MMRN1: variants seen among roughly 807,000 people sequenced by gnomAD.
MMRN1 encodes multimerin-1.
Under a neutral mutation model 100.7 loss-of-function variants are expected in MMRN1, and 94 were observed. The observed-to-expected ratio is 0.93, with a 90% CI of 0.79 to 1.11. The LOEUF (loss-of-function observed/expected upper bound fraction) is 1.11, where lower values mean the gene tolerates loss of function less well. Among genes scored for constraint, MMRN1 ranks in the 50% least tolerant of loss-of-function variants. MMRN1 has a pLI of 0.00. For missense variants in MMRN1, 1,606 were observed against 1,439.1 expected (o/e 1.12, Z -1.88); for synonymous variants, 575 against 505.0 (o/e 1.14, Z -1.86).
At chr4:89,897,789 AAAT>A in intron 1 of MMRN1, among the ~76,000 whole-genome samples, 1 of 152,194 alleles carries the variant, frequency 6.6e-6, no homozygotes, top group East Asian at 1.9e-4. Flanking sequence ...GAATTTAAAA[AAAT>A]AATAATAATT....
intron 1 of MMRN1, among the ~76,000 whole-genome samples, chr4:89,880,027 G>A (rs1232531032): frequency 1.3e-5 from 2 of 152,140 alleles, no homozygotes; most frequent in African/African-American, 2.4e-5. Context: ...TAGAAACCCT[G>A]GGGGAGGACA....
rs1167129384 is a variant in MMRN1, at chr4:89,923,358, G to T, written c.955+86G>T. 11 of 1,174,468 alleles carry T rather than the reference G, an allele frequency of 9.4e-6. No homozygotes were observed. In the Admixed American group the frequency reaches 1.6e-4, roughly 17 times the overall value. 72.8% of individuals were successfully genotyped at this position (1,174,468 alleles called of 1,614,324 possible). A position where few individuals can be genotyped will look rare whatever the true frequency, so the allele number is the denominator to read the frequency against. ...CTTCCAAGCAAGAAATCTCTTAGTT[G>T]TCAAATGATTGATGGTGACACATTA... On this transcript the variant is annotated intron_variant, in intron 4 of 7. Coordinates refer to ENST00000264790, the MANE Select transcript of MMRN1 (RefSeq NM_007351.3).
At position 89,942,250 on chromosome 4, in the gene MMRN1, G is replaced by A. The variant is rs957436067; in HGVS notation, c.3118+5452G>A. On this transcript the variant is annotated intron_variant, in intron 6 of 7. Transcript: ENST00000264790. ...ACGATTTCTTTGACACCAAGGATTT[G>A]AAACGAAATTTGATTCTTAACTTGT... 7.2e-5 allele frequency among the ~76,000 whole-genome samples: 11 copies of A among 152,128 alleles called. 1 individual carries two copies. The highest frequency in any genetic ancestry group is 2.7e-4 in the African/African-American group (11 of 41,416).
intron 3 of MMRN1, among the ~76,000 whole-genome samples, chr4:89,914,961 T>C (rs911393814): frequency 1.3e-5 from 2 of 151,556 alleles, no homozygotes; most frequent in South Asian, 2.1e-4. Context: ...AGATCCTTTA[T>C]AGGAAAAAGG....
At chr4:89,939,816 G>C (rs570182761) in intron 6 of MMRN1, among the ~76,000 whole-genome samples, 2 of 152,246 alleles carry the variant, frequency 1.3e-5, no homozygotes, top group South Asian at 4.1e-4. Context: ...TTTTCTTGAA[G>C]ATCCAAATAC....
Position 89,935,303 on chromosome 4 carries a change from T to C in MMRN1, c.1623T>C (p.Asn541=), listed in dbSNP as rs769794538. 10 of 1,613,754 alleles carry C rather than the reference T, an allele frequency of 6.2e-6. No homozygotes were observed. In the Middle Eastern group the frequency reaches 9.9e-4, roughly 160 times the overall value. ...CAGCTGCTGAGTCAGTTAGCAATAATGTCACTGAGTACATGTCTACTTTAC... is the reference window on the plus strand; with the variant it reads ...CAGCTGCTGAGTCAGTTAGCAATAACGTCACTGAGTACATGTCTACTTTAC... ...NAPAAESVSN[N]VTEYMSTLHE... Residue 541 remains asparagine (N), a synonymous_variant, in exon 6 of 8, where the codon AAT becomes AAC. Transcript: ENST00000264790.
At chr4:89,947,738 A>G (rs1157274791) in intron 6 of MMRN1, among the ~76,000 whole-genome samples, 2 of 152,232 alleles carry the variant, frequency 1.3e-5, no homozygotes, top group African/African-American at 4.8e-5. Context: ...ATTCAAGAAC[A>G]AGTAGCCTAT....
At chr4:89,933,942 T>C (rs897410535) in intron 5 of MMRN1, among the ~76,000 whole-genome samples, 1 of 152,184 alleles carries the variant, frequency 6.6e-6, no homozygotes, top group African/African-American at 2.4e-5. Context: ...GCAAGTTTTT[T>C]TATATTTTAA....
At chr4:89,937,018 A>C (rs999054815) in intron 6 of MMRN1, among the ~76,000 whole-genome samples, 1 of 152,060 alleles carries the variant, frequency 6.6e-6, no homozygotes, top group Non-Finnish European at 1.5e-5. Flanking sequence ...ATATTTGGCT[A>C]TGTGTTTTTA....
chr4:89,879,567 A>G (rs1336445138), exon 1 of MMRN1: 1 of 152,172 alleles, frequency 6.6e-6, no homozygotes, highest in Non-Finnish European at 1.5e-5. Context: ...TATTGATGTT[A>G]GCATTTGGTT....
intron 1 of MMRN1, among the ~76,000 whole-genome samples, chr4:89,902,630 T>C (rs973584153): frequency 6.6e-6 from 1 of 151,968 alleles, no homozygotes; most frequent in Non-Finnish European, 1.5e-5. Flanking sequence ...TACAGTCATC[T>C]ATCATTGAAA....
intron 3 of MMRN1, among the ~76,000 whole-genome samples, chr4:89,913,319 T>C (rs1228142360): frequency 6.6e-6 from 1 of 151,334 alleles, no homozygotes; most frequent in African/African-American, 2.4e-5. Flanking sequence ...ATGATTCAAG[T>C]TTGTTTGCAG....
chr4:89,904,448 C>A (rs1721493463), intron 1 of MMRN1, among the ~76,000 whole-genome samples: 1 of 150,678 alleles, frequency 6.6e-6, no homozygotes, highest in South Asian at 2.1e-4. Flanking sequence ...CCCATTGCAC[C>A]CTCCCTACCA....
chr4:89,915,052 T>A (rs762761982), intron 3 of MMRN1, among the ~76,000 whole-genome samples: 14 of 151,586 alleles, frequency 9.2e-5, no homozygotes, highest in Non-Finnish European at 1.9e-4. Context: ...TGAAATAAAC[T>A]GGCCCCTACC....
Position 89,935,827 on chromosome 4 carries a change from G to T in MMRN1, c.2147G>T (p.Arg716Leu). 1 of 1,613,096 alleles carries T rather than the reference G, an allele frequency of 6.2e-7. No homozygotes were observed. ...GGTCGTGATGATGCCTTAGAAAGACGTATCAATGAATATGCCTTAGAAATG... is the reference window on the plus strand; with the variant it reads ...GGTCGTGATGATGCCTTAGAAAGACTTATCAATGAATATGCCTTAGAAATG... ...VQGRDDALER[R>L]INEYALEMED... is the part of the protein sequence containing the mutation. Residue 716 changes from arginine to leucine, a missense_variant, in exon 6 of 8, where the codon CGT becomes CTT. Transcript: ENST00000264790.
chr4:89,947,265 G>A (rs1262791314), intron 6 of MMRN1, among the ~76,000 whole-genome samples: 2 of 152,152 alleles, frequency 1.3e-5, no homozygotes, highest in East Asian at 1.9e-4. Context: ...CTGGACGACA[G>A]AGCGAGACTC....
rs1183803756 is a variant in MMRN1 at position 89,936,207 on chromosome 4, C to A, written c.2527C>A (p.His843Asn). Residue 843 changes from histidine to asparagine, a missense_variant, in exon 6 of 8, where the codon CAT becomes AAT. By Grantham distance (68) the His-to-Asn change is moderately conservative. Coordinates refer to ENST00000264790, the MANE Select transcript of MMRN1 (RefSeq NM_007351.3). ...QVRKYQQNMS[H>N]LEEKLLLTTK... is the part of the protein sequence containing the mutation. ...GAGAAAATACCAGCAAAATATGAGT[C>A]ATTTGGAAGAAAAACTACTCTTAAC... 6 of 1,604,768 alleles carry A rather than the reference C, an allele frequency of 3.7e-6. No homozygotes were observed. Among genetic ancestry groups the A allele is most frequent in the African/African-American group, 1.3e-5 (1 of 74,288 alleles).
chr4:89,920,937 C>T (rs1578483572), intron 3 of MMRN1, among the ~76,000 whole-genome samples: 1 of 151,804 alleles, frequency 6.6e-6, no homozygotes, highest in Non-Finnish European at 1.5e-5. Flanking sequence ...TATACAGGAA[C>T]TTCTCATTTC....
rs770854297 is a variant in MMRN1 at position 89,935,200 on chromosome 4, A to C, written c.1520A>C (p.Asn507Thr). 3 of 1,613,426 alleles carry C rather than the reference A, an allele frequency of 1.9e-6. No homozygotes were observed. The Admixed American group carries it at 5.0e-5, about 27-fold the overall frequency. ...AGCATTCTGTATTATGAATCCCTCA[A>C]TAAAACTCTTTCTAAATTGAAGGAA... ...SRSILYYESL[N>T]KTLSKLKEVH... is the part of the protein sequence containing the mutation. The change falls in exon 6 of 8, where the codon AAT (asparagine) becomes ACT (threonine). Residue 507 changes from asparagine to threonine, a missense_variant. Physicochemically the swap from Asn to Thr is moderately conservative, Grantham distance 65. Coordinates refer to ENST00000264790, the MANE Select transcript of MMRN1 (RefSeq NM_007351.3).
Sources: gnomAD v4.1 joint callset for allele counts (sites outside exome capture counted in the v4.1 genomes callset) on GRCh38, gnomAD v4.1.1 for gene constraint, MANE v1.5 for transcripts, NCBI Gene and HGNC (gene_info 2026-07-23, HGNC 2026-07-21) for gene names.